The following SPON1 variants were observed in gnomAD, a reference collection of about 807,000 sequenced individuals.
SPON1 encodes spondin-1.
A neutral mutation model predicts 111.7 loss-of-function variants in SPON1; 52 were observed. The observed-to-expected ratio is 0.47, with a 90% CI of 0.37 to 0.59. SPON1 has a LOEUF of 0.59. SPON1 is among the 20% of genes least tolerant of loss of function. The pLI is 0.00. For synonymous variants in SPON1, 410 were observed against 395.8 expected, an observed-to-expected ratio of 1.04 and a Z score of -0.43; for missense variants, 957 against 1,068.5, an observed-to-expected ratio of 0.90 and a Z score of 1.46.
intron 5 of SPON1, among the ~76,000 whole-genome samples, chr11:14,133,852 A>G (rs1270441745): frequency 6.6e-6 from 1 of 152,140 alleles, no homozygotes; most frequent in African/African-American, 2.4e-5. Context: ...AATAATGAAC[A>G]AGCAATTGGG....
intron 6 of SPON1, among the ~76,000 whole-genome samples, chr11:14,218,236 A>C (rs1297923819): frequency 6.6e-6 from 1 of 151,926 alleles, no homozygotes; most frequent in Non-Finnish European, 1.5e-5. Flanking sequence ...GACCTGGAAA[A>C]CCCAAATATC....
At chr11:14,246,334 C>A (rs1273633183) in intron 7 of SPON1, among the ~76,000 whole-genome samples, 1 of 152,134 alleles carries the variant, frequency 6.6e-6, no homozygotes, top group Non-Finnish European at 1.5e-5. Flanking sequence ...TCCTAATAAC[C>A]ATGAGGTAGG....
At chr11:13,979,309 G>C (rs1332639156) in intron 1 of SPON1, among the ~76,000 whole-genome samples, 1 of 152,156 alleles carries the variant, frequency 6.6e-6, no homozygotes, top group Non-Finnish European at 1.5e-5. Flanking sequence ...AGTTGTATGG[G>C]ATTTAGGGCC....
At chr11:14,033,826 G>A (rs1848575781) in intron 2 of SPON1, among the ~76,000 whole-genome samples, 1 of 152,106 alleles carries the variant, frequency 6.6e-6, no homozygotes, top group African/African-American at 2.4e-5. Context: ...TGGATATCTG[G>A]GTTGTCTCAC....
intron 5 of SPON1, among the ~76,000 whole-genome samples, chr11:14,086,082 C>A (rs1849003788): frequency 6.6e-6 from 1 of 152,136 alleles, no homozygotes; most frequent in Admixed American, 6.5e-5. Flanking sequence ...ACAATCATGT[C>A]ATCTGCAAAC....
At chr11:14,039,116 T>C (rs1217123024) in intron 2 of SPON1, among the ~76,000 whole-genome samples, 1 of 152,182 alleles carries the variant, frequency 6.6e-6, no homozygotes, top group Non-Finnish European at 1.5e-5. Context: ...TACTGTATGA[T>C]TCCAATTCTA....
At chr11:14,165,201 T>A (rs1848014115) in intron 6 of SPON1, among the ~76,000 whole-genome samples, 1 of 151,596 alleles carries the variant, frequency 6.6e-6, no homozygotes, top group Non-Finnish European at 1.5e-5. Flanking sequence ...AAGGACAGCT[T>A]GGAGGTTAGA....
chr11:13,993,333 C>G (rs1554911409), intron 2 of SPON1, among the ~76,000 whole-genome samples: 1 of 151,910 alleles, frequency 6.6e-6, no homozygotes. Context: ...TTGGCACACA[C>G]TAGATGTCAG....
At chr11:14,258,594 T>C (rs1591429882) in intron 11 of SPON1, among the ~76,000 whole-genome samples, 1 of 152,002 alleles carries the variant, frequency 6.6e-6, no homozygotes, top group Non-Finnish European at 1.5e-5. Flanking sequence ...GCTGGACTGG[T>C]GTATGGCAGG....
At chr11:14,113,371 G>C (rs1029496103) in intron 5 of SPON1, among the ~76,000 whole-genome samples, 1 of 152,028 alleles carries the variant, frequency 6.6e-6, no homozygotes, top group Admixed American at 6.5e-5. Context: ...CCTGATTATT[G>C]CCTTTGCAGT....
chr11:14,060,673 C>G (rs564542506), intron 3 of SPON1, among the ~76,000 whole-genome samples: 1 of 152,272 alleles, frequency 6.6e-6, no homozygotes, highest in South Asian at 2.1e-4. Flanking sequence ...ATTAGGGCAC[C>G]CAAATGATTC....
At chr11:14,189,065 C>A (rs577323792) in intron 6 of SPON1, among the ~76,000 whole-genome samples, 1 of 152,266 alleles carries the variant, frequency 6.6e-6, no homozygotes, top group South Asian at 2.1e-4. Flanking sequence ...CCCAGTTGTT[C>A]CACTTCTCAG....
intron 3 of SPON1, among the ~76,000 whole-genome samples, chr11:14,074,925 C>T (rs1192628394): frequency 3.3e-5 from 5 of 152,066 alleles, no homozygotes; most frequent in Non-Finnish European, 7.4e-5. Flanking sequence ...TCCTTTTTCC[C>T]CTTCACAAAG....
Position 14,166,664 on chromosome 11 carries a change from C to T in SPON1, c.825+31096C>T, listed in dbSNP as rs549710536. Among the ~76,000 whole-genome samples the T allele has an allele frequency of 3.3e-4, 50 of 152,270 alleles. 2 individuals are homozygous for T. The South Asian group carries it at 9.3e-3, about 28-fold the overall frequency. On this transcript the variant is annotated intron_variant, in intron 6 of 15. Transcript: ENST00000576479. ...TACAATTGACTAGGAATTTGGGTTA[C>T]TTCTGTGGCATAAAACAATTTTATA...
At chr11:14,068,582 G>C (rs558210196) in intron 3 of SPON1, among the ~76,000 whole-genome samples, 1 of 152,200 alleles carries the variant, frequency 6.6e-6, no homozygotes, top group African/African-American at 2.4e-5. Flanking sequence ...GCCTGCCAAG[G>C]GTCTCTTTTA....
At chr11:14,170,537 A>G (rs1554932340) in intron 6 of SPON1, among the ~76,000 whole-genome samples, 1 of 152,042 alleles carries the variant, frequency 6.6e-6, no homozygotes, top group East Asian at 1.9e-4. Context: ...ACTATGTTGA[A>G]TAGGAGTGGT....
At chr11:14,215,053 T>C (rs1191600198) in intron 6 of SPON1, among the ~76,000 whole-genome samples, 3 of 152,126 alleles carry the variant, frequency 2.0e-5, no homozygotes, top group African/African-American at 7.2e-5. Flanking sequence ...ATGTTTTTGT[T>C]TTTGTTTTTT....
chr11:13,984,457 T>G (rs1331760910), intron 2 of SPON1, among the ~76,000 whole-genome samples: 1 of 152,110 alleles, frequency 6.6e-6, no homozygotes, highest in Admixed American at 6.5e-5. Flanking sequence ...TCTTGCTGCA[T>G]TATCCCATGG....
chr11:14,035,665 T>G (rs1848589542), intron 2 of SPON1, among the ~76,000 whole-genome samples: 1 of 150,956 alleles, frequency 6.6e-6, no homozygotes, highest in Non-Finnish European at 1.5e-5. Context: ...TCACCCAGAC[T>G]GGAGTGCAGT....
Sources: allele counts gnomAD v4.1 joint callset (sites outside exome capture counted in the v4.1 genomes callset), GRCh38; gene constraint gnomAD v4.1.1; transcripts MANE v1.5; gene names NCBI Gene and HGNC (gene_info 2026-07-23, HGNC 2026-07-21).